Variants in PAIP1 observed in about 807,000 individuals in gnomAD.
The protein encoded by PAIP1 is polyadenylate-binding protein-interacting protein 1.
Under a neutral mutation model 61.3 loss-of-function variants are expected in PAIP1, and 16 were observed. The observed-to-expected ratio is 0.26, with a 90% CI of 0.18 to 0.40. PAIP1 has a LOEUF of 0.40. PAIP1 is among the 10% of genes least tolerant of loss of function. PAIP1 has a pLI of 1.00. For synonymous variants in PAIP1, 187 were observed against 226.2 expected (o/e 0.83, Z 1.56); for missense variants, 416 against 600.9 (o/e 0.69, Z 3.22).
chr5:43,544,645 A>G (rs1209230568), intron 3 of PAIP1, among the ~76,000 whole-genome samples: 1 of 152,198 alleles, frequency 6.6e-6, no homozygotes, highest in East Asian at 1.9e-4. Flanking sequence ...CCAAAAATCT[A>G]AAATCCTCCA....
chr5:43,528,327 CA>C lies in PAIP1; in HGVS notation c.1347-859del, dbSNP rs1460257411. ...TCTATCAACATCTTCCCCACCCCTC[CA>C]ATAATCCAATCCCTTCCACCTACAA... On this transcript the variant is annotated intron_variant, in intron 10 of 10. Transcript: ENST00000306846. 2.6e-5 allele frequency among the ~76,000 whole-genome samples: 4 copies of C among 152,240 alleles called. No homozygotes were observed. The East Asian group carries it at 7.7e-4, about 29-fold the overall frequency.
Position 43,555,475 on chromosome 5 carries a change from G to C in PAIP1, c.435+355C>G, listed in dbSNP as rs190923840. Among the ~76,000 whole-genome samples the C allele has an allele frequency of 2.4e-3, 367 of 152,266 alleles. 3 individuals are homozygous for C. The highest frequency in any genetic ancestry group is 1.7e-3 in the Non-Finnish European group (118 of 68,010). On this transcript the variant is annotated intron_variant, in intron 2 of 10. Transcript: ENST00000306846. The stretch of plus-strand genomic sequence containing the variant: ...GTTATATAAGTGACAAAGAAAAACT[G>C]AAAGTTTAAACATTCTTTATACCTA...
chr5:43,554,416 G>A (rs1188153585), intron 2 of PAIP1, among the ~76,000 whole-genome samples: 2 of 152,026 alleles, frequency 1.3e-5, no homozygotes, highest in Non-Finnish European at 2.9e-5. Context: ...TACCTTACAC[G>A]ATAGATGGCC....
chr5:43,532,962 G>A (rs1747001266), intron 9 of PAIP1, among the ~76,000 whole-genome samples: 1 of 152,194 alleles, frequency 6.6e-6, no homozygotes, highest in Non-Finnish European at 1.5e-5. Context: ...CAAAGATGAG[G>A]AGCAGGAACC....
intron 9 of PAIP1, among the ~76,000 whole-genome samples, chr5:43,533,062 G>A (rs537331058): frequency 1.3e-5 from 2 of 152,224 alleles, no homozygotes; most frequent in African/African-American, 2.4e-5. Flanking sequence ...TGCCCATAGC[G>A]TGTAACTTAA....
chr5:43,533,536 G>A (rs896935373), intron 9 of PAIP1, among the ~76,000 whole-genome samples: 29 of 152,318 alleles, frequency 1.9e-4, no homozygotes, highest in African/African-American at 6.7e-4. Context: ...GACATTATAT[G>A]TGGAATCATA....
At chr5:43,533,705 C>CT (rs748915786) in intron 9 of PAIP1, 33 bp downstream of exon 9, 56 of 1,387,562 alleles carry the variant, frequency 4.0e-5, no homozygotes, top group Non-Finnish European at 5.5e-5. Context: ...TACCAAACAA[C>CT]TGGGAGGAGG....
intron 9 of PAIP1, among the ~76,000 whole-genome samples, chr5:43,530,130 T>C (rs1459309886): frequency 1.3e-5 from 2 of 152,238 alleles, no homozygotes; most frequent in African/African-American, 4.8e-5. Context: ...TATATAACTG[T>C]TGGGGAAGAA....
chr5:43,529,761 A>G (rs746658721), intron 10 of PAIP1, 25 bp downstream of exon 10: 2 of 1,158,500 alleles, frequency 1.7e-6, no homozygotes, highest in East Asian at 4.7e-5. Flanking sequence ...AAATTTCACG[A>G]AGTTAGTAAC....
chr5:43,552,838 C>G (rs1350552292), intron 2 of PAIP1, among the ~76,000 whole-genome samples: 3 of 151,986 alleles, frequency 2.0e-5, no homozygotes, highest in Admixed American at 1.3e-4. Context: ...CTGAATAGAT[C>G]CTACAGTGCT....
In PAIP1 at chr5:43,557,024, C is replaced by A; in HGVS notation, c.-178G>T. ...TGCTTCTGGCGGAGCGGACGGCAGC[C>A]CGAGCACCCGCCGCTCCAGAGCGCC... On this transcript the variant is annotated 5_prime_UTR_variant, in exon 1 of 11. Transcript: ENST00000306846. 2 of 1,117,046 alleles carry A rather than the reference C, an allele frequency of 1.8e-6. No homozygotes were observed. The highest frequency in any genetic ancestry group is 2.3e-6 in the Non-Finnish European group (2 of 879,766). 69.2% of individuals were successfully genotyped at this position (1,117,046 alleles called of 1,614,324 possible). A position where few individuals can be genotyped will look rare whatever the true frequency, so the allele number is the denominator to read the frequency against.
At chr5:43,541,392 G>A (rs1244329412) in intron 4 of PAIP1, among the ~76,000 whole-genome samples, 2 of 142,160 alleles carry the variant, frequency 1.4e-5, no homozygotes, top group Non-Finnish European at 3.0e-5. Context: ...GAACTCGTGA[G>A]CCGCCCACCT....
At position 43,556,008 on chromosome 5, in the gene PAIP1, GAAA is replaced by G; in HGVS notation, c.266-12_266-10del. ...CAGGGGCCTCGTTTGCTCTGCAAAA[GAAA>G]AAAAAACGGGGCGTCAGATGCATTC... On this transcript the variant is annotated splice_polypyrimidine_tract_variant and intron_variant, in intron 1 of 10. Coordinates refer to ENST00000306846, the MANE Select transcript of PAIP1 (RefSeq NM_006451.5). 6.4e-7 allele frequency: 1 copy of G among 1,560,658 alleles called. No homozygotes were observed. The highest frequency in any genetic ancestry group is 8.7e-7 in the Non-Finnish European group (1 of 1,152,248).
Position 43,556,807 on chromosome 5 carries a change from C to T in PAIP1, c.40G>A (p.Gly14Ser). ...CCGCGGCCCAGGCCCCGGCTCCGGC[C>T]CCGACCAGCACCTGGGGCCCGATCG... ...GFDRAPGAGR[G>S]RSRGLGRGGG... The change falls in exon 1 of 11, where the codon GGC (glycine) becomes AGC (serine). Residue 14 changes from glycine to serine, a missense_variant. Physicochemically the swap from Gly to Ser is moderately conservative, Grantham distance 56 (BLOSUM62 0). Around this residue, in one of 4 missense-constraint regions of PAIP1, gnomAD observed 97 missense variants for 89.5 expected, o/e 1.08. Transcript: ENST00000306846. 6.9e-7 allele frequency: 1 copy of T among 1,454,212 alleles called. No individual in the cohort carries two copies. The highest frequency in any genetic ancestry group is 9.0e-7 in the Non-Finnish European group (1 of 1,106,170). 90.1% of individuals were successfully genotyped at this position (1,454,212 alleles called of 1,614,324 possible).
intron 2 of PAIP1, among the ~76,000 whole-genome samples, chr5:43,548,924 G>A (rs1318447877): frequency 6.6e-6 from 1 of 152,152 alleles, no homozygotes; most frequent in Non-Finnish European, 1.5e-5. Flanking sequence ...CCTTAGAAAT[G>A]CTCCATGTTG....
intron 2 of PAIP1, among the ~76,000 whole-genome samples, chr5:43,548,264 A>G (rs1180047452): frequency 6.6e-6 from 1 of 152,220 alleles, no homozygotes; most frequent in Non-Finnish European, 1.5e-5. Context: ...GATTTGCTTC[A>G]AAGTGGGAGG....
chr5:43,536,761 C>T (rs1416266591), intron 6 of PAIP1, 58 bp downstream of exon 6: 12 of 898,690 alleles, frequency 1.3e-5, no homozygotes, highest in East Asian at 7.4e-5. Flanking sequence ...TATAGACTAA[C>T]CTTCCTCTAA....
chr5:43,536,684 T>C (rs1747170116), intron 6 of PAIP1, 135 bp downstream of exon 6: 1 of 489,834 alleles, frequency 2.0e-6, no homozygotes, highest in African/African-American at 2.0e-5. Context: ...TTCCAAAATA[T>C]TCGAGAAAAA....
Position 43,542,988 on chromosome 5 carries a change from T to C in PAIP1, c.734+16A>G. The C allele has an allele frequency of 7.6e-7, 1 of 1,319,156 alleles. No individual in the cohort carries two copies. The highest frequency in any genetic ancestry group is 1.1e-6 in the Non-Finnish European group (1 of 914,618). The allele number at this position is 1,319,156 out of a possible 1,614,324, so 81.7% of individuals were successfully genotyped here. On this transcript the variant is annotated intron_variant, in intron 4 of 10. Coordinates refer to ENST00000306846, the MANE Select transcript of PAIP1 (RefSeq NM_006451.5). ...ATTTAGAAGTAGTTTTCCTTTAATT[T>C]CACATTTACACTGACCTTTGAAGTA... is the stretch of plus-strand genomic sequence containing the variant.
Sources: allele counts gnomAD v4.1 joint callset (sites outside exome capture counted in the v4.1 genomes callset), GRCh38; gene constraint gnomAD v4.1.1; regional missense constraint gnomAD v4.1.1; transcripts MANE v1.5; gene names NCBI Gene and HGNC (gene_info 2026-07-23, HGNC 2026-07-21).